PRKCH: variants seen among roughly 807,000 people sequenced by gnomAD.
PRKCH encodes protein kinase C eta type.
PRKCH carries 28 observed loss-of-function variants against 82.5 expected under a neutral mutation model. The ratio of observed to expected loss-of-function variants is 0.34; its 90% confidence interval spans 0.25 to 0.47. The LOEUF (loss-of-function observed/expected upper bound fraction) is 0.47. Among genes scored for constraint, PRKCH ranks in the 20% least tolerant of loss-of-function variants. PRKCH has a pLI of 1.00. For synonymous variants in PRKCH, 322 were observed against 327.4 expected (o/e 0.98, Z 0.18); for missense variants, 705 against 881.8 (o/e 0.80, Z 2.54).
intron 12 of PRKCH, among the ~76,000 whole-genome samples, chr14:61,533,905 A>T (rs903218180): frequency 1.3e-5 from 2 of 152,238 alleles, no homozygotes; most frequent in Non-Finnish European, 2.9e-5. Flanking sequence ...AAGGTGTGCT[A>T]TGCCAACCAC....
At chr14:61,240,329 T>C (rs190829429) in intron 1 of PRKCH, among the ~76,000 whole-genome samples, 44 of 152,328 alleles carry the variant, frequency 2.9e-4, no homozygotes, top group Admixed American at 2.6e-4. Flanking sequence ...AAGCGGTGTC[T>C]GATTTGCACA....
rs556698818 is a variant in PRKCH, at chr14:61,402,471, A to G, written c.427+11183A>G. ...CATGTACTTCAACTAGAACAACATT[A>G]CAGTGGCTTGAATACAGAAGCAGAT... On this transcript the variant is annotated intron_variant, in intron 2 of 13. Transcript: ENST00000332981. Among the ~76,000 whole-genome samples, 153 of 152,376 alleles carry G rather than the reference A, an allele frequency of 1.0e-3. 1 individual carries two copies. Among genetic ancestry groups the G allele is most frequent in the South Asian group, 8.9e-3 (43 of 4,830 alleles).
Position 61,263,362 on chromosome 14 carries a change from T to C in PRKCH, c.-19+75694T>C, listed in dbSNP as rs117036594. Among the ~76,000 whole-genome samples, 658 of 152,354 alleles carry C rather than the reference T, an allele frequency of 4.3e-3. 9 individuals are homozygous for C. The East Asian group carries it at 0.048, about 11-fold the overall frequency. ...ATCTTTGGAGATTTATTTTTTCCTT[T>C]AATATTATATTGCTAAGATTCATTT... On this transcript the variant is annotated intron_variant, in intron 1 of 3. Coordinates refer to the PRKCH transcript ENST00000555185.
chr14:61,356,148 AG>A (rs966648909), intron 1 of PRKCH, among the ~76,000 whole-genome samples: 1 of 152,086 alleles, frequency 6.6e-6, no homozygotes, highest in African/African-American at 2.4e-5. Flanking sequence ...GAGGAAGTGG[AG>A]GGGGGTGGCA....
intron 3 of PRKCH, among the ~76,000 whole-genome samples, chr14:61,443,503 T>A (rs1884073524): frequency 1.3e-5 from 2 of 152,218 alleles, no homozygotes; most frequent in Non-Finnish European, 2.9e-5. Flanking sequence ...AAGATGCTAA[T>A]GAATCCTAAA....
At chr14:61,419,839 G>A (rs1298970531) in intron 2 of PRKCH, among the ~76,000 whole-genome samples, 1 of 152,212 alleles carries the variant, frequency 6.6e-6, no homozygotes, top group Non-Finnish European at 1.5e-5. Flanking sequence ...TATACATTGT[G>A]TACTTGGATG....
At chr14:61,271,222 G>C (rs1345909801) in intron 1 of PRKCH, among the ~76,000 whole-genome samples, 1 of 151,942 alleles carries the variant, frequency 6.6e-6, no homozygotes, top group Non-Finnish European at 1.5e-5. Context: ...TCTCTCCCAG[G>C]GATAACCACT....
intron 7 of PRKCH, among the ~76,000 whole-genome samples, chr14:61,455,205 AT>A (rs10689613): frequency 0.044 from 6,400 of 143,914 alleles, 465 homozygotes; most frequent in African/African-American, 0.16. Context: ...AATTTTTTGT[AT>A]TTTTTTTTTT....
intron 1 of PRKCH, among the ~76,000 whole-genome samples, chr14:61,254,211 G>T (rs754595844): frequency 2.0e-5 from 3 of 151,986 alleles, no homozygotes; most frequent in South Asian, 2.1e-4. Context: ...ATCCCAGAAT[G>T]GCCTTAGAAG....
At chr14:61,532,959 C>A (rs1045947343) in intron 12 of PRKCH, among the ~76,000 whole-genome samples, 1 of 152,230 alleles carries the variant, frequency 6.6e-6, no homozygotes, top group Non-Finnish European at 1.5e-5. Context: ...GTCTAGCACT[C>A]ATTTTCCTAA....
At chr14:61,281,110 G>A in intron 1 of PRKCH, 1 of 1,445,420 alleles carries the variant, frequency 6.9e-7, no homozygotes, top group Non-Finnish European at 9.1e-7. Context: ...GGTGTTGTCG[G>A]GCTGGTGGGC....
chr14:61,452,325 G>A (rs1884549444), intron 6 of PRKCH, among the ~76,000 whole-genome samples: 1 of 152,120 alleles, frequency 6.6e-6, no homozygotes, highest in Admixed American at 6.5e-5. Context: ...TTTTCTTAAA[G>A]AAGGCCTCCT....
chr14:61,496,851 G>T (rs79902406), intron 10 of PRKCH, among the ~76,000 whole-genome samples: 1,625 of 152,232 alleles, frequency 0.011, 33 homozygotes, highest in African/African-American at 0.036. Flanking sequence ...TACGAGCCAG[G>T]CTCTATTCTG....
intron 1 of PRKCH, among the ~76,000 whole-genome samples, chr14:61,312,424 T>C (rs1293995851): frequency 6.6e-6 from 1 of 152,224 alleles, no homozygotes; most frequent in Non-Finnish European, 1.5e-5. Flanking sequence ...ACTAACAATA[T>C]ATTGAGAAAG....
At chr14:61,213,175 G>A (rs1186038575) in intron 1 of PRKCH, among the ~76,000 whole-genome samples, 1 of 152,092 alleles carries the variant, frequency 6.6e-6, no homozygotes, top group Non-Finnish European at 1.5e-5. Context: ...TACGAATTTT[G>A]GATGTGCGTG....
At chr14:61,231,348 G>A (rs937936211) in intron 1 of PRKCH, among the ~76,000 whole-genome samples, 1 of 149,554 alleles carries the variant, frequency 6.7e-6, no homozygotes, top group South Asian at 2.1e-4. Context: ...TTTAAGAATT[G>A]CTAATCCAGA....
At chr14:61,209,977 G>A (rs1179435854) in intron 1 of PRKCH, among the ~76,000 whole-genome samples, 4 of 151,330 alleles carry the variant, frequency 2.6e-5, no homozygotes, top group South Asian at 2.1e-4. Context: ...GGTGGCTCAC[G>A]CTTATAATCC....
At chr14:61,265,210 G>C (rs1179437500) in intron 1 of PRKCH, among the ~76,000 whole-genome samples, 1 of 152,194 alleles carries the variant, frequency 6.6e-6, no homozygotes, top group Non-Finnish European at 1.5e-5. Flanking sequence ...GGCGGGTGCG[G>C]TGGCTCATGT....
At chr14:61,444,841 G>T (rs1326331849) in intron 3 of PRKCH, among the ~76,000 whole-genome samples, 1 of 152,162 alleles carries the variant, frequency 6.6e-6, no homozygotes, top group Admixed American at 6.5e-5. Flanking sequence ...ACTATTGTGA[G>T]CATTTTATAT....
Sources: allele counts gnomAD v4.1 joint callset (sites outside exome capture counted in the v4.1 genomes callset), GRCh38; gene constraint gnomAD v4.1.1; transcripts MANE v1.5; gene names NCBI Gene and HGNC (gene_info 2026-07-23, HGNC 2026-07-21).